The following PARM1 variants were observed in gnomAD, a reference collection of about 807,000 sequenced individuals.
PARM1 encodes prostate androgen-regulated mucin-like protein 1.
PARM1 carries 14 observed loss-of-function variants against 24.6 expected under a neutral mutation model. The observed-to-expected ratio is 0.57, with a 90% CI of 0.38 to 0.89. The LOEUF (loss-of-function observed/expected upper bound fraction) is 0.89, where lower values mean the gene tolerates loss of function less well. Ranked by LOEUF, PARM1 falls within the 40% of genes least tolerant of loss-of-function variation. The pLI, the probability that PARM1 is intolerant of heterozygous loss-of-function variation, is 0.00. For synonymous variants in PARM1, 179 were observed against 156.6 expected, an observed-to-expected ratio of 1.14 and a Z score of -1.07; for missense variants, 362 against 380.4, an observed-to-expected ratio of 0.95 and a Z score of 0.40.
chr4:74,983,839 T>C (rs1032516998), intron 1 of PARM1, among the ~76,000 whole-genome samples: 1 of 152,342 alleles, frequency 6.6e-6, no homozygotes, highest in East Asian at 1.9e-4. Flanking sequence ...CTTTGTATCA[T>C]TGATGTCTTC....
chr4:74,992,335 A>G (rs1722494396), intron 1 of PARM1, among the ~76,000 whole-genome samples: 1 of 152,198 alleles, frequency 6.6e-6, no homozygotes, highest in Non-Finnish European at 1.5e-5. Context: ...CAAAAAATAA[A>G]CAAAATAACA....
At chr4:75,042,671 C>T (rs1723516392) in intron 3 of PARM1, among the ~76,000 whole-genome samples, 1 of 151,840 alleles carries the variant, frequency 6.6e-6, no homozygotes, top group Admixed American at 6.6e-5. Flanking sequence ...TTAAGAGGTT[C>T]TGACCTAGAG....
At chr4:75,023,188 G>C (rs1355189873) in intron 2 of PARM1, among the ~76,000 whole-genome samples, 1 of 152,208 alleles carries the variant, frequency 6.6e-6, no homozygotes, top group Non-Finnish European at 1.5e-5. Flanking sequence ...CTGTAGGAAG[G>C]CAAGAATGTT....
chr4:74,972,327 G>C (rs1722054417), intron 1 of PARM1, among the ~76,000 whole-genome samples: 1 of 152,214 alleles, frequency 6.6e-6, no homozygotes, highest in Non-Finnish European at 1.5e-5. Context: ...AAATACCTGT[G>C]ATAATACTTA....
At position 75,048,356 on chromosome 4, in the gene PARM1, A is replaced by C. The variant is rs1723651790; in HGVS notation, c.*2109A>C. On this transcript the variant is annotated 3_prime_UTR_variant, in exon 4 of 4. Transcript: ENST00000307428. ...GAATATTGAAAACAACAACTAAAAA[A>C]GTGGACCTTCTCAGAAAAAAAGGGC... is the stretch of plus-strand genomic sequence containing the variant. 1 of 152,226 alleles carries C rather than the reference A, an allele frequency of 6.6e-6. No homozygotes were observed. The highest frequency in any genetic ancestry group is 2.4e-5 in the African/African-American group (1 of 41,458). The allele number at this position is 152,226 out of a possible 1,614,324, so 9.4% of individuals were successfully genotyped here. A position where few individuals can be genotyped will look rare whatever the true frequency, so the allele number is the denominator to read the frequency against.
chr4:74,961,867 C>G (rs536541547), intron 1 of PARM1, among the ~76,000 whole-genome samples: 38 of 152,020 alleles, frequency 2.5e-4, no homozygotes, highest in Non-Finnish European at 4.9e-4. Context: ...AATTTGAAGA[C>G]ATATGAATAA....
chr4:74,964,804 G>T (rs988612134), intron 1 of PARM1, among the ~76,000 whole-genome samples: 1 of 152,090 alleles, frequency 6.6e-6, no homozygotes, highest in Non-Finnish European at 1.5e-5. Flanking sequence ...TCTATTAATA[G>T]GTAGTGACTA....
At chr4:74,964,253 G>C (rs569297920) in intron 1 of PARM1, among the ~76,000 whole-genome samples, 2 of 152,122 alleles carry the variant, frequency 1.3e-5, no homozygotes, top group African/African-American at 4.8e-5. Context: ...CCTCCTGAGC[G>C]CTTACCAGTG....
rs117577311 is a variant in PARM1, at chr4:74,958,629, G to A, written c.43+25259G>A. ...ACAGTAAGACCAGAGGCCAAGCTTG[G>A]GGCCAAAGTGAAATATCTGGTACTC... On this transcript the variant is annotated intron_variant, in intron 1 of 3. Coordinates refer to ENST00000307428, the MANE Select transcript of PARM1 (RefSeq NM_015393.4). Among the ~76,000 whole-genome samples the A allele has an allele frequency of 8.0e-4, 122 of 152,228 alleles. 3 individuals are homozygous for A. In the South Asian group the frequency reaches 0.02, roughly 24 times the overall value.
chr4:74,936,598 C>T (rs577123653), intron 1 of PARM1, among the ~76,000 whole-genome samples: 7 of 151,916 alleles, frequency 4.6e-5, no homozygotes, highest in South Asian at 4.2e-4. Flanking sequence ...GGACTACAGG[C>T]GCCCGCCACC....
At chr4:75,041,189 A>G (rs1437323933) in intron 3 of PARM1, among the ~76,000 whole-genome samples, 1 of 152,246 alleles carries the variant, frequency 6.6e-6, no homozygotes, top group Non-Finnish European at 1.5e-5. Flanking sequence ...TAAGTTTTCA[A>G]TGAATACTTA....
chr4:75,007,532 C>T (rs1450802409), intron 1 of PARM1, among the ~76,000 whole-genome samples: 1 of 152,142 alleles, frequency 6.6e-6, no homozygotes, highest in Non-Finnish European at 1.5e-5. Context: ...TGTGTCTGCT[C>T]CCTCATTTAT....
chr4:74,944,694 A>G (rs1721378052), intron 1 of PARM1, among the ~76,000 whole-genome samples: 1 of 152,220 alleles, frequency 6.6e-6, no homozygotes, highest in Non-Finnish European at 1.5e-5. Context: ...CTGCTCAGCA[A>G]GTGAAAACGG....
At chr4:74,993,693 T>C (rs1011586536) in intron 1 of PARM1, among the ~76,000 whole-genome samples, 1 of 152,128 alleles carries the variant, frequency 6.6e-6, no homozygotes, top group African/African-American at 2.4e-5. Flanking sequence ...AATGAAGAAG[T>C]GAAATGTATG....
rs900420894 is a variant in PARM1 at position 75,033,921 on chromosome 4, G to A, written c.808G>A (p.Val270Met). 15 of 1,604,018 alleles carry A rather than the reference G, an allele frequency of 9.4e-6. No individual in the cohort carries two copies. The highest frequency in any genetic ancestry group is 2.2e-5 in the East Asian group (1 of 44,638). The change falls in exon 3 of 4, where the codon GTG (valine) becomes ATG (methionine). Residue 270 changes from valine to methionine, a missense_variant. By Grantham distance (21) the Val-to-Met change is conservative (BLOSUM62 1). Coordinates refer to ENST00000307428, the MANE Select transcript of PARM1 (RefSeq NM_015393.4). ...AAITVTVIAVVLLVFGVAAYL... is the reference protein window; with the variant it reads ...AAITVTVIAVMLLVFGVAAYL... ...CATTACCGTGACAGTCATTGCCGTGGTGCTGCTGGTGTTTGGAGTTGCAGC... is the reference window on the plus strand; with the variant it reads ...CATTACCGTGACAGTCATTGCCGTGATGCTGCTGGTGTTTGGAGTTGCAGC...
chr4:74,985,176 C>T (rs868212972), intron 1 of PARM1, among the ~76,000 whole-genome samples: 4 of 152,304 alleles, frequency 2.6e-5, no homozygotes, highest in East Asian at 3.9e-4. Flanking sequence ...GGCAGCTATG[C>T]GGGCAGTTGT....
intron 1 of PARM1, among the ~76,000 whole-genome samples, chr4:74,952,912 A>G (rs1202919509): frequency 6.6e-6 from 1 of 152,216 alleles, no homozygotes; most frequent in Non-Finnish European, 1.5e-5. Flanking sequence ...TAAAGTAATT[A>G]GAAGTCTTTA....
At chr4:74,996,294 T>G (rs79178790) in intron 1 of PARM1, among the ~76,000 whole-genome samples, 3,103 of 152,304 alleles carry the variant, frequency 0.02, 44 homozygotes, top group Non-Finnish European at 0.035. Context: ...CTGTGCATTA[T>G]TTTATTCCCA....
intron 1 of PARM1, among the ~76,000 whole-genome samples, chr4:74,948,054 T>C (rs1341473907): frequency 6.6e-6 from 1 of 152,230 alleles, no homozygotes; most frequent in Non-Finnish European, 1.5e-5. Context: ...TTCCTCATTC[T>C]AGAATGCCAC....
Sources: gnomAD v4.1 joint callset for allele counts (sites outside exome capture counted in the v4.1 genomes callset) on GRCh38, gnomAD v4.1.1 for gene constraint, MANE v1.5 for transcripts, NCBI Gene and HGNC (gene_info 2026-07-23, HGNC 2026-07-21) for gene names.